The following FAIM variants were observed in gnomAD, a reference collection of about 807,000 sequenced individuals.
The protein encoded by FAIM is Fas apoptotic inhibitory molecule.
FAIM carries 14 observed loss-of-function variants against 21.2 expected under a neutral mutation model. The ratio of observed to expected loss-of-function variants is 0.66; its 90% CI spans 0.44 to 1.03. The LOEUF (loss-of-function observed/expected upper bound fraction) is 1.03. Among genes scored for constraint, FAIM ranks in the 50% least tolerant of loss-of-function variants. The probability of loss-of-function intolerance (pLI) is 0.00; values close to 1 mark genes in which losing one functional copy is unlikely to be tolerated. For synonymous variants in FAIM, 86 were observed against 80.4 expected, an observed-to-expected ratio of 1.07 and a Z score of -0.37; for missense variants, 222 against 247.1, an observed-to-expected ratio of 0.90 and a Z score of 0.68.
intron 2 of FAIM, among the ~76,000 whole-genome samples, 186 bp downstream of exon 2, chr3:138,619,956 A>G (rs1230186717): frequency 6.6e-6 from 1 of 152,214 alleles, no homozygotes. Flanking sequence ...GCCACTAGAA[A>G]CATGGCATCC....
intron 2 of FAIM, 67 bp downstream of exon 2, chr3:138,619,837 G>A: frequency 1.4e-6 from 2 of 1,412,960 alleles, no homozygotes; most frequent in Admixed American, 1.8e-5. Context: ...TCAAAAGAGT[G>A]ATTTATCCAA....
At chr3:138,622,560 T>A in intron 4 of FAIM, 144 bp downstream of exon 4, 1 of 609,006 alleles carries the variant, frequency 1.6e-6, no homozygotes, top group Non-Finnish European at 2.7e-6. Context: ...TTAGAAACAT[T>A]AAAAAAATTT....
intron 1 of FAIM, among the ~76,000 whole-genome samples, chr3:138,609,586 T>TCTCCCTCC (rs2042741245): frequency 1.4e-4 from 4 of 28,260 alleles, no homozygotes; most frequent in East Asian, 7.5e-3. Context: ...CGACTCTCTC[T>TCTCCCTCC]CTCTCGACTC....
chr3:138,621,138 G>A (rs1481359526), intron 2 of FAIM: 1 of 387,958 alleles, frequency 2.6e-6, no homozygotes, highest in South Asian at 2.9e-5. Flanking sequence ...AGGATAAACT[G>A]ATGCATTCTT....
At chr3:138,612,808 G>A (rs1248821000) in intron 1 of FAIM, among the ~76,000 whole-genome samples, 2 of 152,076 alleles carry the variant, frequency 1.3e-5, no homozygotes, top group Admixed American at 6.6e-5. Context: ...CAATGTACAA[G>A]GATTCCAGTT....
At chr3:138,632,481 T>C (rs1031885701) in intron 5 of FAIM, among the ~76,000 whole-genome samples, 9 of 152,150 alleles carry the variant, frequency 5.9e-5, no homozygotes, top group Admixed American at 2.6e-4. Context: ...TATATTTTAC[T>C]GTAAGCCACC....
chr3:138,627,799 G>A (rs2042954284), intron 4 of FAIM, among the ~76,000 whole-genome samples: 1 of 151,956 alleles, frequency 6.6e-6, no homozygotes, highest in African/African-American at 2.4e-5. Context: ...TCCATCTAGC[G>A]CACCTCAAAG....
Position 138,621,519 on chromosome 3 carries a change from G to T in FAIM, c.157G>T (p.Val53Leu), listed in dbSNP as rs760599573. 2 of 1,613,332 alleles carry T rather than the reference G, an allele frequency of 1.2e-6. No individual in the cohort carries two copies. The highest frequency in any genetic ancestry group is 1.7e-6 in the Non-Finnish European group (2 of 1,179,768). The change falls in exon 3 of 6, where the codon GTA becomes TTA. Residue 53 changes from valine (V) to leucine (L), a missense_variant. Coordinates refer to ENST00000360570, the MANE Select transcript of FAIM (RefSeq NM_001033031.2). ...ACATGGGACTACATCAGGCAAACGA[G>T]TAGTATATGTAGATGGAAAGGTAGG... ...FEHGTTSGKR[V>L]VYVDGKEEIR...
chr3:138,629,631 C>A (rs1407805544), intron 5 of FAIM: 1 of 152,884 alleles, frequency 6.5e-6, no homozygotes, highest in Non-Finnish European at 1.5e-5. Flanking sequence ...TTTAGGAATG[C>A]TTTACACCAT....
intron 1 of FAIM, among the ~76,000 whole-genome samples, chr3:138,618,505 A>G (rs1233112653): frequency 6.6e-6 from 1 of 152,052 alleles, no homozygotes; most frequent in Non-Finnish European, 1.5e-5. Context: ...CATCTCTACT[A>G]AAAATACAAA....
rs1262327692 is a variant in FAIM at position 138,629,230 on chromosome 3, T to C, written c.456+74T>C. 5 of 1,223,644 alleles carry C rather than the reference T, an allele frequency of 4.1e-6. No homozygotes were observed. The African/African-American group carries it at 4.9e-5, about 12-fold the overall frequency. The allele number at this position is 1,223,644 out of a possible 1,614,324, so 75.8% of individuals were successfully genotyped here. ...TTGAATTGTTGCTGCATTTCCTAAT[T>C]ATAGAGATCTTATAATGAATCAAGG... On this transcript the variant is annotated intron_variant, in intron 5 of 5. Coordinates refer to ENST00000360570, the MANE Select transcript of FAIM (RefSeq NM_001033031.2).
At chr3:138,610,406 A>C (rs2042754504) in intron 1 of FAIM, among the ~76,000 whole-genome samples, 2 of 152,228 alleles carry the variant, frequency 1.3e-5, no homozygotes, top group South Asian at 4.1e-4. Context: ...CATCTCCATC[A>C]GTGAAAGTAA....
chr3:138,616,911 T>G (rs1577008572), intron 1 of FAIM, among the ~76,000 whole-genome samples: 1 of 152,182 alleles, frequency 6.6e-6, no homozygotes, highest in African/African-American at 2.4e-5. Context: ...TGCTTCAAAT[T>G]TGCCAGATAA....
intron 1 of FAIM, among the ~76,000 whole-genome samples, chr3:138,611,297 C>T (rs2042766030): frequency 6.6e-6 from 1 of 150,460 alleles, no homozygotes; most frequent in Non-Finnish European, 1.5e-5. Context: ...TTTTTAACAA[C>T]GTTACTGAAA....
intron 5 of FAIM, chr3:138,630,157 T>C (rs1033538195): frequency 1.3e-5 from 2 of 152,194 alleles, no homozygotes; most frequent in African/African-American, 4.8e-5. Context: ...TTGCATGTTG[T>C]AGTTGCTTTT....
chr3:138,620,538 C>T (rs892817312), intron 2 of FAIM, among the ~76,000 whole-genome samples: 6 of 152,176 alleles, frequency 3.9e-5, no homozygotes, highest in South Asian at 2.1e-4. Context: ...CTCTTTCACC[C>T]GGGCTGGAAC....
At chr3:138,632,823 C>T (rs1345056565) in intron 5 of FAIM, 107 bp from the exon 6 acceptor site, 2 of 1,088,406 alleles carry the variant, frequency 1.8e-6, no homozygotes, top group African/African-American at 1.6e-5. Flanking sequence ...TATTGTTTAA[C>T]TAATACATTA....
At chr3:138,622,798 G>A (rs757286465) in intron 4 of FAIM, among the ~76,000 whole-genome samples, 3 of 152,078 alleles carry the variant, frequency 2.0e-5, no homozygotes, top group Non-Finnish European at 2.9e-5. Flanking sequence ...CAGCACTTTG[G>A]TAGGCTGAGG....
chr3:138,621,892 C>T (rs1335372008), intron 3 of FAIM, among the ~76,000 whole-genome samples: 1 of 152,124 alleles, frequency 6.6e-6, no homozygotes, highest in African/African-American at 2.4e-5. Context: ...AAGCTATTCT[C>T]CTGCCTCAGC....
Sources: allele counts gnomAD v4.1 joint callset (sites outside exome capture counted in the v4.1 genomes callset), GRCh38; gene constraint gnomAD v4.1.1; transcripts MANE v1.5; gene names NCBI Gene and HGNC (gene_info 2026-07-23, HGNC 2026-07-21).